TARDBP: variants seen among roughly 807,000 people sequenced by gnomAD.
TARDBP encodes TAR DNA binding protein.
A neutral mutation model predicts 38.3 loss-of-function variants in TARDBP; 4 were observed. The ratio of observed to expected loss-of-function variants is 0.10; its 90% CI spans 0.05 to 0.24. The LOEUF (loss-of-function observed/expected upper bound fraction) is 0.24, where lower values mean the gene tolerates loss of function less well. Among genes scored for constraint, TARDBP ranks in the 10% least tolerant of loss-of-function variants. TARDBP has a pLI of 1.00. For synonymous variants in TARDBP, 184 were observed against 183.8 expected (o/e 1.00, Z -0.01); for missense variants, 202 against 521.9 (o/e 0.39, Z 5.97).
chr1:11,018,694 ATG>A (rs1408453800), intron 3 of TARDBP, 37 bp from the exon 4 acceptor site: 9 of 1,611,756 alleles, frequency 5.6e-6, no homozygotes, highest in African/African-American at 2.7e-5. Context: ...GTGTGTGAGT[ATG>A]TGCACTTTTA....
In TARDBP at chr1:11,012,689, T is replaced by A. The variant is rs1643430104; in HGVS notation, c.-67T>A. 1 of 152,236 alleles carries A rather than the reference T, an allele frequency of 6.6e-6. No homozygotes were observed. Among genetic ancestry groups the A allele is most frequent in the African/African-American group, 2.4e-5 (1 of 41,452 alleles). The allele number at this position is 152,236 out of a possible 1,614,324, so 9.4% of individuals were successfully genotyped here. The stretch of plus-strand genomic sequence containing the variant: ...AGCGAAGCGGTGGCTGGGCTGCGCT[T>A]GGGTCCGTCGCTGCTTCGGTGTCCC... On this transcript the variant is annotated 5_prime_UTR_variant, in exon 1 of 6. Transcript: ENST00000240185.
At chr1:11,019,582 TGAGA>T (rs558420213) in intron 4 of TARDBP, among the ~76,000 whole-genome samples, 14 of 152,014 alleles carry the variant, frequency 9.2e-5, no homozygotes, top group Non-Finnish European at 1.6e-4. Context: ...TTTTTTTTTT[TGAGA>T]GAGAGAGTCT....
chr1:11,018,580 T>A, intron 3 of TARDBP, 153 bp from the exon 4 acceptor site: 1 of 953,676 alleles, frequency 1.0e-6, no homozygotes, highest in Non-Finnish European at 1.7e-6. Context: ...AATATTAACC[T>A]CCTTGTTTTT....
chr1:11,018,683 AGTGT>A, intron 3 of TARDBP, 46 bp from the exon 4 acceptor site: 1 of 1,613,216 alleles, frequency 6.2e-7, no homozygotes, highest in Non-Finnish European at 8.5e-7. Context: ...TTGGGAATGG[AGTGT>A]GTGAGTATGT....
chr1:11,018,569 C>G, intron 3 of TARDBP, 164 bp from the exon 4 acceptor site: 5 of 865,278 alleles, frequency 5.8e-6, no homozygotes. Context: ...AGTATGGATT[C>G]AATATTAACC....
downstream of TARDBP, among the ~76,000 whole-genome samples, chr1:11,028,860 C>A (rs1643790430): frequency 6.6e-6 from 1 of 151,414 alleles, no homozygotes; most frequent in African/African-American, 2.4e-5. Context: ...ACTACAGGCA[C>A]ACGCCACCAC....
intron 2 of TARDBP, among the ~76,000 whole-genome samples, chr1:11,014,950 AC>A (rs1373554769): frequency 2.0e-5 from 3 of 147,754 alleles, no homozygotes; most frequent in Non-Finnish European, 4.5e-5. Flanking sequence ...ACAAAAAAAA[AC>A]GAAAACAAAA....
In TARDBP at chr1:11,017,017, G is replaced by C. The variant is rs778019438; in HGVS notation, c.402+10G>C. On this transcript the variant is annotated intron_variant, in intron 3 of 5. Coordinates refer to ENST00000240185, the MANE Select transcript of TARDBP (RefSeq NM_007375.4). ...AGTTCTTATGGTGCAGGTAAACTTCGATTGCATCAAACAGTTTTTCTTTAC... is the reference window on the plus strand; with the variant it reads ...AGTTCTTATGGTGCAGGTAAACTTCCATTGCATCAAACAGTTTTTCTTTAC... The C allele has an allele frequency of 6.2e-7, 1 of 1,613,800 alleles. No individual in the cohort carries two copies. Among genetic ancestry groups the C allele is most frequent in the South Asian group, 1.1e-5 (1 of 91,070 alleles).
chr1:11,027,210 C>T (rs1336933517), downstream of TARDBP: 8 of 1,614,136 alleles, frequency 5.0e-6, no homozygotes, highest in East Asian at 2.2e-5. Flanking sequence ...AGCAAGAAAA[C>T]CCCTTTGGGT....
intron 1 of TARDBP, among the ~76,000 whole-genome samples, chr1:11,013,284 G>A (rs1643449539): frequency 1.3e-5 from 2 of 152,212 alleles, no homozygotes; most frequent in South Asian, 2.1e-4. Flanking sequence ...CTGATGGATC[G>A]CTTGCTTAGG....
chr1:11,028,187 C>T (rs1025946292), downstream of TARDBP, among the ~76,000 whole-genome samples: 23 of 151,928 alleles, frequency 1.5e-4, no homozygotes, highest in Non-Finnish European at 2.1e-4. Flanking sequence ...CACCACTGCA[C>T]TCTAGCCTGG....
At chr1:11,019,316 C>G in intron 4 of TARDBP, 1 of 307,708 alleles carries the variant, frequency 3.2e-6, no homozygotes, top group South Asian at 2.9e-5. Flanking sequence ...CAAACACAGT[C>G]ATGTATCACA....
downstream of TARDBP, chr1:11,027,662 CAGAT>C (rs749241709): frequency 5.0e-6 from 8 of 1,585,720 alleles, no homozygotes; most frequent in South Asian, 9.2e-5. Context: ...GAGAAAGAAG[CAGAT>C]AGGTAGAGAG....
chr1:11,023,183 A>G lies in TARDBP; in HGVS notation c.*529A>G, dbSNP rs1316992081. 24 of 1,550,226 alleles carry G rather than the reference A, an allele frequency of 1.5e-5. No individual in the cohort carries two copies. Among genetic ancestry groups the G allele is most frequent in the Non-Finnish European group, 2.1e-5 (24 of 1,146,766 alleles). ...AAGTACAATATGAAGCCTTCATTTA[A>G]TCTCTGCAGTTCATCTCATTTCAAA... On this transcript the variant is annotated 3_prime_UTR_variant, in exon 6 of 6. Coordinates refer to ENST00000240185, the MANE Select transcript of TARDBP (RefSeq NM_007375.4).
downstream of TARDBP, chr1:11,030,100 A>G: frequency 2.8e-6 from 3 of 1,060,564 alleles, no homozygotes; most frequent in Non-Finnish European, 4.3e-6. Context: ...TACCACAGCT[A>G]AAGCTCTCCT....
At position 11,013,594 on chromosome 1, in the gene TARDBP, A is replaced by C. The variant is rs1325935437; in HGVS notation, c.-12-122A>C. The C allele has an allele frequency of 6.2e-6, 5 of 802,670 alleles. No homozygotes were observed. In the Admixed American group the frequency reaches 1.0e-4, roughly 17 times the overall value. The allele number at this position is 802,670 out of a possible 1,614,324, so 49.7% of individuals were successfully genotyped here. A position where few individuals can be genotyped will look rare whatever the true frequency, so the allele number is the denominator to read the frequency against. On this transcript the variant is annotated intron_variant, in intron 1 of 5. Transcript: ENST00000240185. The stretch of plus-strand genomic sequence containing the variant: ...CATTTTTCAGGGATAACCAATGCAT[A>C]TACGAATCCAGACAAGCATTTTTCT...
Position 11,024,712 on chromosome 1 carries a change from G to C in TARDBP, c.*2058G>C, listed in dbSNP as rs1413469738. On this transcript the variant is annotated 3_prime_UTR_variant, in exon 6 of 6. Transcript: ENST00000240185. ...GTCCTCCAGGAGGTGGGGGAATGTG[G>C]TAACATTGAATACAGTTGAATAAAA... is the stretch of plus-strand genomic sequence containing the variant. 1 of 152,682 alleles carries C rather than the reference G, an allele frequency of 6.5e-6. No individual in the cohort carries two copies. Among genetic ancestry groups the C allele is most frequent in the African/African-American group, 2.4e-5 (1 of 41,434 alleles). 9.5% of individuals were successfully genotyped at this position (152,682 alleles called of 1,614,324 possible). A position where few individuals can be genotyped will look rare whatever the true frequency, so the allele number is the denominator to read the frequency against.
At chr1:11,014,964 T>G (rs1006903913) in intron 2 of TARDBP, among the ~76,000 whole-genome samples, 46 of 151,088 alleles carry the variant, frequency 3.0e-4, no homozygotes, top group African/African-American at 1.1e-3. Context: ...AAACAAAAAT[T>G]GGCGTGGTGG....
chr1:11,030,096 A>C (rs1643817148), downstream of TARDBP: 2 of 1,003,328 alleles, frequency 2.0e-6, no homozygotes, highest in Non-Finnish European at 3.1e-6. Flanking sequence ...TGCCTACCAC[A>C]GCTAAAGCTC....
Sources: allele counts gnomAD v4.1 joint callset (sites outside exome capture counted in the v4.1 genomes callset), GRCh38; gene constraint gnomAD v4.1.1; transcripts MANE v1.5; gene names NCBI Gene and HGNC (gene_info 2026-07-23, HGNC 2026-07-21).